Variants in PAM observed in about 807,000 individuals in gnomAD.
PAM encodes the protein peptidylglycine alpha-amidating monooxygenase, also known as peptidyl-glycine alpha-amidating monooxygenase.
A neutral mutation model predicts 122.1 loss-of-function variants in PAM; 72 were observed. The ratio of observed to expected loss-of-function variants is 0.59; its 90% CI spans 0.49 to 0.72. PAM has a LOEUF of 0.72. Ranked by LOEUF, PAM falls within the 30% of genes least tolerant of loss-of-function variation. PAM has a pLI of 0.00. For missense variants in PAM, 1,106 were observed against 1,183.7 expected (o/e 0.93, Z 0.96); for synonymous variants, 389 against 404.4 (o/e 0.96, Z 0.46).
rs536009221 is a variant in PAM, at chr5:102,785,270, G to T, written c.-374+29922G>T. On this transcript the variant is annotated intron_variant, in intron 1 of 25. Transcript: ENST00000438793. ...AGTTTCACTTAATAAGAAAAGGGAG[G>T]GGGGAGTCCCCAGCAATCTGTATCT... is the stretch of plus-strand genomic sequence containing the variant. Among the ~76,000 whole-genome samples, 5 of 144,106 alleles carry T rather than the reference G, an allele frequency of 3.5e-5. No individual in the cohort carries two copies. The South Asian group carries it at 1.1e-3, about 32-fold the overall frequency. 94.5% of individuals were successfully genotyped at this position (144,106 alleles called of 152,430 possible).
intron 1 of PAM, among the ~76,000 whole-genome samples, chr5:102,805,943 T>TAA (rs2150140006): frequency 6.6e-6 from 1 of 152,330 alleles, no homozygotes; most frequent in African/African-American, 2.4e-5. Flanking sequence ...TCACACTTGA[T>TAA]TTTTGTTTCT....
chr5:102,966,799 C>T (rs983346132), intron 14 of PAM, among the ~76,000 whole-genome samples: 11 of 152,034 alleles, frequency 7.2e-5, no homozygotes, highest in Admixed American at 1.3e-4. Context: ...ATCCTATTTA[C>T]TCTCCTTATA....
rs145705031 is a variant in PAM at position 103,003,237 on chromosome 5, G to T, written c.1730+88G>T. The T allele has an allele frequency of 1.3e-3, 829 of 633,624 alleles. 5 individuals are homozygous for T. Among genetic ancestry groups the T allele is most frequent in the Middle Eastern group, 0.01 (31 of 2,992 alleles). The allele number at this position is 633,624 out of a possible 1,614,324, so 39.3% of individuals were successfully genotyped here. On this transcript the variant is annotated intron_variant, in intron 17 of 25. Transcript: ENST00000438793. Reference sequence around the variant, plus strand: ...TAGAGTCTTGAAATTCGAGTGTTTTGTATAACTGCACTTGAGAAAGCAGAA... The same window carrying T: ...TAGAGTCTTGAAATTCGAGTGTTTTTTATAACTGCACTTGAGAAAGCAGAA...
intron 11 of PAM, among the ~76,000 whole-genome samples, chr5:102,950,485 A>T (rs1008185025): frequency 1.3e-5 from 2 of 150,502 alleles, no homozygotes; most frequent in South Asian, 4.2e-4. Context: ...GAGTGTACCA[A>T]GCTTCACATT....
chr5:102,951,486 T>C (rs984477325), intron 12 of PAM, among the ~76,000 whole-genome samples: 4 of 152,134 alleles, frequency 2.6e-5, no homozygotes, highest in African/African-American at 4.8e-5. Context: ...CTTCTTTTTA[T>C]GTTAAACAAC....
At chr5:102,995,720 G>A (rs1400124033) in intron 16 of PAM, among the ~76,000 whole-genome samples, 1 of 151,812 alleles carries the variant, frequency 6.6e-6, no homozygotes. Context: ...TCTATTTGTG[G>A]TATTTATAGT....
intron 7 of PAM, among the ~76,000 whole-genome samples, chr5:102,927,798 A>G (rs991999964): frequency 6.7e-6 from 1 of 149,868 alleles, no homozygotes; most frequent in Non-Finnish European, 1.5e-5. Flanking sequence ...ATATAAATGG[A>G]CCAGCCTATG....
chr5:102,818,256 T>A (rs1323388725), intron 1 of PAM, among the ~76,000 whole-genome samples: 1 of 152,024 alleles, frequency 6.6e-6, no homozygotes, highest in Admixed American at 6.6e-5. Flanking sequence ...CTTTATTCAA[T>A]GTAGCAACAT....
intron 1 of PAM, among the ~76,000 whole-genome samples, chr5:102,849,555 CAAA>C (rs538988180): frequency 3.4e-4 from 25 of 73,494 alleles, no homozygotes; most frequent in African/African-American, 7.8e-4. Context: ...AAGACTGTCT[CAAA>C]AAAAAAAAAA....
intron 14 of PAM, among the ~76,000 whole-genome samples, chr5:102,967,017 T>C (rs1258151541): frequency 1.3e-5 from 2 of 152,166 alleles, no homozygotes; most frequent in African/African-American, 4.8e-5. Flanking sequence ...TCCAGTAATC[T>C]TAAAGCATTT....
chr5:102,901,417 A>C lies in PAM; in HGVS notation c.268+4A>C, dbSNP rs903470818. The C allele has an allele frequency of 1.3e-5, 20 of 1,526,364 alleles. No individual in the cohort carries two copies. Among genetic ancestry groups the C allele is most frequent in the Non-Finnish European group, 1.7e-5 (19 of 1,101,588 alleles). The allele number at this position is 1,526,364 out of a possible 1,614,324, so 94.6% of individuals were successfully genotyped here. A position where few individuals can be genotyped will look rare whatever the true frequency, so the allele number is the denominator to read the frequency against. ...GTGGATGAGGAAGCCTTCGTGAGTAAGTATTAATTGGATTGGGGGAGTAGC... is the reference window on the plus strand; with the variant it reads ...GTGGATGAGGAAGCCTTCGTGAGTACGTATTAATTGGATTGGGGGAGTAGC... On this transcript the variant is annotated splice_donor_region_variant and intron_variant, in intron 4 of 25. Transcript: ENST00000438793.
rs546554207 is a variant in PAM, at chr5:103,022,003, T to TA, written c.2485+2169dup. On this transcript the variant is annotated intron_variant, in intron 23 of 25. Coordinates refer to ENST00000438793, the MANE Select transcript of PAM (RefSeq NM_001177306.2). ...GTAAGGATAAGATAATTTCAGATGA[T>TA]AAAAAAAAACTGATGAAAAGGATTA... Among the ~76,000 whole-genome samples the TA allele has an allele frequency of 1.2e-3, 176 of 150,720 alleles. 1 individual carries two copies. The highest frequency in any genetic ancestry group is 3.5e-3 in the African/African-American group (143 of 41,142).
intron 3 of PAM, among the ~76,000 whole-genome samples, chr5:102,888,950 G>C (rs1344793285): frequency 6.6e-6 from 1 of 151,834 alleles, no homozygotes; most frequent in Non-Finnish European, 1.5e-5. Flanking sequence ...AAATGTAAAA[G>C]GGGGACAGAT....
At chr5:102,995,799 C>A (rs898949904) in intron 16 of PAM, among the ~76,000 whole-genome samples, 1 of 151,928 alleles carries the variant, frequency 6.6e-6, no homozygotes, top group Non-Finnish European at 1.5e-5. Context: ...TTTCCTGCCT[C>A]ACAGGGACTT....
Position 102,948,406 on chromosome 5 carries a change from A to G in PAM, c.604A>G (p.Met202Val), listed in dbSNP as rs778057180. 17 of 1,594,492 alleles carry G rather than the reference A, an allele frequency of 1.1e-5. No homozygotes were observed. Among genetic ancestry groups the G allele is most frequent in the Non-Finnish European group, 1.5e-5 (17 of 1,164,194 alleles). Residue 202 changes from methionine (M) to valine (V), a missense_variant, in exon 9 of 26, where the codon ATG becomes GTG. Met to Val is a conservative substitution (Grantham distance 21). This residue lies in a region of PAM where 670 missense variants were observed against 690.3 expected (regional missense o/e 0.97). Transcript: ENST00000438793. ...GCCTTTAATTGCTGGCATGTACCTT[A>G]TGATGTCTGTTGACACTGTTATCCC... ...PQPLIAGMYL[M>V]MSVDTVIPAG...
chr5:102,969,200 C>T (rs556874080), intron 14 of PAM, among the ~76,000 whole-genome samples: 15 of 151,276 alleles, frequency 9.9e-5, no homozygotes, highest in Non-Finnish European at 2.1e-4. Flanking sequence ...AACAAACCTG[C>T]ACATTCTGCA....
intron 14 of PAM, among the ~76,000 whole-genome samples, chr5:102,973,574 A>G (rs966900360): frequency 1.3e-5 from 2 of 152,200 alleles, no homozygotes; most frequent in African/African-American, 4.8e-5. Context: ...AGCTTACAGT[A>G]GCACTGCTAA....
intron 15 of PAM, among the ~76,000 whole-genome samples, chr5:102,979,030 T>TCACACA (rs10578523): frequency 5.5e-4 from 81 of 147,922 alleles, no homozygotes; most frequent in African/African-American, 1.7e-3. Context: ...TTATTCTGCA[T>TCACACA]CACACACACA....
intron 3 of PAM, among the ~76,000 whole-genome samples, chr5:102,882,670 G>A (rs548328183): frequency 6.6e-6 from 1 of 152,220 alleles, no homozygotes; most frequent in Non-Finnish European, 1.5e-5. Context: ...CCTGTGGGTT[G>A]TCTGTTTACT....
Sources: allele counts gnomAD v4.1 joint callset (sites outside exome capture counted in the v4.1 genomes callset), GRCh38; gene constraint gnomAD v4.1.1; regional missense constraint gnomAD v4.1.1; transcripts MANE v1.5; gene names NCBI Gene and HGNC (gene_info 2026-07-23, HGNC 2026-07-21).